FOXP1: variants seen among roughly 807,000 people sequenced by gnomAD.
The protein encoded by FOXP1 is forkhead box P1.
In FOXP1, 15 loss-of-function variants were observed where a neutral mutation model predicts 98.2. The observed-to-expected ratio is 0.15, with a 90% CI of 0.10 to 0.24. FOXP1 has a LOEUF of 0.24. FOXP1 is among the 10% of genes least tolerant of loss of function. The probability of loss-of-function intolerance (pLI) is 1.00; values close to 1 mark genes in which losing one functional copy is unlikely to be tolerated. For synonymous variants in FOXP1, 371 were observed against 314.5 expected (o/e 1.18, Z -1.90); for missense variants, 633 against 848.5 (o/e 0.75, Z 3.15).
intron 5 of FOXP1, among the ~76,000 whole-genome samples, chr3:71,277,676 G>T (rs1472620248): frequency 1.3e-5 from 2 of 152,032 alleles, no homozygotes; most frequent in Non-Finnish European, 2.9e-5. Flanking sequence ...CTGGACATTA[G>T]TTGCTGCTTC....
chr3:71,357,266 T>C (rs2078227021), intron 4 of FOXP1, among the ~76,000 whole-genome samples: 1 of 152,228 alleles, frequency 6.6e-6, no homozygotes, highest in African/African-American at 2.4e-5. Context: ...AGTTTAAATT[T>C]TGCTTTATAG....
At position 71,124,540 on chromosome 3, in the gene FOXP1, C is replaced by T. The variant is rs748077837; in HGVS notation, c.181-11903G>A. Among the ~76,000 whole-genome samples the T allele has an allele frequency of 3.3e-5, 5 of 151,264 alleles. No homozygotes were observed. In the South Asian group the frequency reaches 1.0e-3, roughly 32 times the overall value. Reference sequence around the variant, plus strand: ...GCCTATAGAAAAATGTTTCAAATATCACTATTACAATTGATACTTATAATA... The same window carrying T: ...GCCTATAGAAAAATGTTTCAAATATTACTATTACAATTGATACTTATAATA... On this transcript the variant is annotated intron_variant, in intron 6 of 20. Transcript: ENST00000649528.
intron 4 of FOXP1, among the ~76,000 whole-genome samples, chr3:71,348,391 G>A (rs992371641): frequency 1.3e-5 from 2 of 152,080 alleles, no homozygotes; most frequent in African/African-American, 2.4e-5. Context: ...TGTTGGACCA[G>A]GCTAAGAGCA....
At chr3:71,008,231 T>G (rs549958767) in intron 12 of FOXP1, among the ~76,000 whole-genome samples, 2 of 152,260 alleles carry the variant, frequency 1.3e-5, no homozygotes, top group East Asian at 3.9e-4. Flanking sequence ...TGGTCAGGAT[T>G]TAACCTTCAA....
intron 6 of FOXP1, 141 bp from the exon 7 acceptor site, chr3:71,112,778 T>C (rs1248624720): frequency 1.5e-6 from 1 of 680,942 alleles, no homozygotes; most frequent in East Asian, 2.7e-5. Context: ...AAATGAAACT[T>C]CCCACCAGTC....
chr3:71,211,030 T>C (rs375174595), intron 5 of FOXP1, among the ~76,000 whole-genome samples: 25 of 152,194 alleles, frequency 1.6e-4, no homozygotes, highest in African/African-American at 6.0e-4. Context: ...AATTGAGTCC[T>C]GGAGTTTTGA....
At chr3:71,200,969 A>AT (rs1312050024) in intron 5 of FOXP1, among the ~76,000 whole-genome samples, 1 of 152,190 alleles carries the variant, frequency 6.6e-6, no homozygotes, top group East Asian at 1.9e-4. Context: ...AGACGTATAT[A>AT]TTTTTTAAGT....
At chr3:71,427,398 C>T (rs1444495445) in intron 3 of FOXP1, among the ~76,000 whole-genome samples, 1 of 152,222 alleles carries the variant, frequency 6.6e-6, no homozygotes, top group Admixed American at 6.5e-5. Context: ...GAGGGTCTGG[C>T]TGCAGCGAAG....
At position 71,536,166 on chromosome 3, in the gene FOXP1, C is replaced by G. The variant is rs6784359; in HGVS notation, c.-297-42611G>C. ...GAAGGATTCCAGTTTTCAATTTCAC[C>G]ATGGGTTCCATGATCCCACTCTAAA... On this transcript the variant is annotated intron_variant, in intron 2 of 20. Coordinates refer to ENST00000649528, the MANE Select transcript of FOXP1 (RefSeq NM_001349338.3). Among the ~76,000 whole-genome samples the G allele has an allele frequency of 2.6e-3, 395 of 152,216 alleles. 1 individual carries two copies. The highest frequency in any genetic ancestry group is 8.6e-3 in the African/African-American group (356 of 41,526).
intron 3 of FOXP1, among the ~76,000 whole-genome samples, chr3:71,405,639 G>T (rs1247803835): frequency 6.6e-6 from 1 of 152,184 alleles, no homozygotes; most frequent in Non-Finnish European, 1.5e-5. Context: ...ACTTGGGAAG[G>T]TTATAAAAGG....
At chr3:71,006,168 T>A (rs907694958) in intron 12 of FOXP1, among the ~76,000 whole-genome samples, 1 of 152,134 alleles carries the variant, frequency 6.6e-6, no homozygotes, top group Non-Finnish European at 1.5e-5. Context: ...GGTTTTTAGG[T>A]CACTGGGTTT....
chr3:71,200,704 A>G (rs1190809493), intron 5 of FOXP1, among the ~76,000 whole-genome samples: 3 of 152,240 alleles, frequency 2.0e-5, no homozygotes, highest in South Asian at 2.1e-4. Context: ...ATGTGTTCCA[A>G]TTGTGGAAGG....
chr3:71,049,713 G>A (rs2049580853), intron 9 of FOXP1, among the ~76,000 whole-genome samples: 1 of 152,068 alleles, frequency 6.6e-6, no homozygotes, highest in African/African-American at 2.4e-5. Context: ...TAACATACTT[G>A]TTCCATCTGT....
At chr3:71,426,221 G>T (rs2084141236) in intron 3 of FOXP1, among the ~76,000 whole-genome samples, 1 of 152,150 alleles carries the variant, frequency 6.6e-6, no homozygotes, top group Admixed American at 6.5e-5. Context: ...AAGGAGTCAG[G>T]GGAGGGAATT....
chr3:71,523,702 G>C (rs1464536256), intron 2 of FOXP1, among the ~76,000 whole-genome samples: 6 of 152,090 alleles, frequency 3.9e-5, no homozygotes, highest in African/African-American at 1.2e-4. Flanking sequence ...TGCATTTGTA[G>C]AAAATCCATT....
chr3:70,986,627 TAGA>T (rs527281229), intron 14 of FOXP1, among the ~76,000 whole-genome samples: 280 of 152,338 alleles, frequency 1.8e-3, no homozygotes, highest in African/African-American at 6.5e-3. Flanking sequence ...AGCTGGGTTC[TAGA>T]AGGAGGGGTT....
intron 19 of FOXP1, among the ~76,000 whole-genome samples, chr3:70,967,250 G>A (rs1437089936): frequency 6.6e-6 from 1 of 152,206 alleles, no homozygotes; most frequent in Admixed American, 6.5e-5. Flanking sequence ...AGAGTGCAAA[G>A]CTGGGCTGCA....
intron 7 of FOXP1, among the ~76,000 whole-genome samples, chr3:71,079,004 C>T (rs568168788): frequency 5.0e-4 from 76 of 152,266 alleles, no homozygotes; most frequent in Middle Eastern, 3.4e-3. Flanking sequence ...CTTCCTACCA[C>T]GCCCACTCAC....
chr3:70,984,184 T>C (rs1042322237), intron 14 of FOXP1, among the ~76,000 whole-genome samples: 2 of 152,184 alleles, frequency 1.3e-5, no homozygotes, highest in Non-Finnish European at 2.9e-5. Context: ...ACATACTACA[T>C]ACGTCCACGC....
Sources: gnomAD v4.1 joint callset for allele counts (sites outside exome capture counted in the v4.1 genomes callset) on GRCh38, gnomAD v4.1.1 for gene constraint, MANE v1.5 for transcripts, NCBI Gene and HGNC (gene_info 2026-07-23, HGNC 2026-07-21) for gene names.